TP53BP1: variants seen among roughly 807,000 people sequenced by gnomAD.
TP53BP1 encodes the protein tumor protein p53 binding protein 1, also known as TP53-binding protein 1.
A neutral mutation model predicts 200.8 loss-of-function variants in TP53BP1; 61 were observed. That is an observed-to-expected ratio of 0.30 (90% confidence interval 0.25 to 0.38). TP53BP1 has a LOEUF of 0.38. Among genes scored for constraint, TP53BP1 ranks in the 10% least tolerant of loss-of-function variants. The probability of loss-of-function intolerance (pLI) is 1.00; values close to 1 mark genes in which losing one functional copy is unlikely to be tolerated. For missense variants in TP53BP1, 2,144 were observed against 2,371.9 expected (o/e 0.90, Z 2.00); for synonymous variants, 822 against 844.3 (o/e 0.97, Z 0.46).
intron 4 of TP53BP1, among the ~76,000 whole-genome samples, chr15:43,484,847 C>G (rs2079023990): frequency 6.6e-6 from 1 of 151,990 alleles, no homozygotes; most frequent in South Asian, 2.1e-4. Context: ...ACCTCCCAGG[C>G]TCAAGCGATC....
Position 43,421,941 on chromosome 15 carries a change from T to C in TP53BP1, c.4014A>G (p.Gly1338=), listed in dbSNP as rs770702929. Residue 1338 remains glycine, a synonymous_variant, in exon 19 of 28, where the codon GGA becomes GGG. Transcript: ENST00000382044. ...TGGTTTTCCCTCTGAGTGGTCCGGCTCCTTTCCCTGAGCTTCCACTGCTGT... is the reference window on the plus strand; with the variant it reads ...TGGTTTTCCCTCTGAGTGGTCCGGCCCCTTTCCCTGAGCTTCCACTGCTGT... ...AMHSSGSSGK[G]AGPLRGKTSG... 2 of 1,614,182 alleles carry C rather than the reference T, an allele frequency of 1.2e-6. No homozygotes were observed. The highest frequency in any genetic ancestry group is 3.3e-5 in the Admixed American group (2 of 60,024).
chr15:43,475,800 A>C (rs771187873), intron 8 of TP53BP1, 106 bp from the exon 9 acceptor site: 8 of 1,371,280 alleles, frequency 5.8e-6, no homozygotes, highest in South Asian at 1.4e-5. Context: ...ACATATTTCC[A>C]TATTTCCAAA....
At chr15:43,436,451 CAT>C (rs1250151679) in intron 16 of TP53BP1, among the ~76,000 whole-genome samples, 2 of 151,278 alleles carry the variant, frequency 1.3e-5, no homozygotes, top group East Asian at 3.9e-4. Context: ...TCATATATTC[CAT>C]ATAAGATACT....
intron 18 of TP53BP1, among the ~76,000 whole-genome samples, chr15:43,422,869 C>G (rs1278515986): frequency 1.3e-5 from 2 of 151,640 alleles, no homozygotes; most frequent in African/African-American, 4.9e-5. Flanking sequence ...GGAGTGCACA[C>G]CTGTAGTCCC....
intron 5 of TP53BP1, 55 bp from the exon 6 acceptor site, chr15:43,480,072 C>T: frequency 4.6e-6 from 7 of 1,535,532 alleles, no homozygotes; most frequent in Non-Finnish European, 6.3e-6. Flanking sequence ...ATGCAATGTA[C>T]AAGCTGCTGT....
chr15:43,408,818 T>C (rs2045015053), intron 26 of TP53BP1, 79 bp downstream of exon 26: 1 of 1,416,056 alleles, frequency 7.1e-7, no homozygotes, highest in Non-Finnish European at 9.9e-7. Context: ...AAAGCTTTAC[T>C]CTCTCACCTA....
chr15:43,427,977 A>G, intron 18 of TP53BP1, 39 bp downstream of exon 18: 1 of 1,441,018 alleles, frequency 6.9e-7, no homozygotes, highest in Non-Finnish European at 9.3e-7. Flanking sequence ...AAAAAAAGAA[A>G]GAAAGAAATT....
chr15:43,469,143 T>C (rs2046660013), intron 11 of TP53BP1, among the ~76,000 whole-genome samples: 2 of 152,220 alleles, frequency 1.3e-5, no homozygotes, highest in Admixed American at 1.3e-4. Flanking sequence ...ATAATAGTCA[T>C]TTAGATTTAA....
chr15:43,419,596 G>T (rs372862942), intron 21 of TP53BP1, among the ~76,000 whole-genome samples: 2 of 130,022 alleles, frequency 1.5e-5, no homozygotes, highest in African/African-American at 3.1e-5. Context: ...TTTCAGCCTG[G>T]TCTCAAACTC....
At chr15:43,409,260 C>T in intron 25 of TP53BP1, 164 bp from the exon 26 acceptor site, 1 of 644,082 alleles carries the variant, frequency 1.6e-6, no homozygotes, top group South Asian at 1.9e-5. Flanking sequence ...CTGGAAGGCC[C>T]AAGTAATTTC....
chr15:43,409,333 A>G, intron 25 of TP53BP1: 1 of 585,844 alleles, frequency 1.7e-6, no homozygotes. Context: ...ACGGACAACC[A>G]AAACCTATGA....
intron 15 of TP53BP1, among the ~76,000 whole-genome samples, chr15:43,440,108 C>T (rs1311395505): frequency 2.0e-5 from 3 of 152,186 alleles, no homozygotes; most frequent in South Asian, 2.1e-4. Flanking sequence ...AGTCCACAGG[C>T]CTCTTTTATT....
At chr15:43,495,528 CACACAA>C (rs1440974525), upstream of TP53BP1, among the ~76,000 whole-genome samples, 7 of 148,490 alleles carry the variant, frequency 4.7e-5, no homozygotes, top group Non-Finnish European at 1.0e-4. Context: ...CACACACACA[CACACAA>C]AAGCCAGGTG....
At chr15:43,427,325 G>A (rs1282218490) in intron 18 of TP53BP1, among the ~76,000 whole-genome samples, 2 of 152,346 alleles carry the variant, frequency 1.3e-5, no homozygotes, top group Middle Eastern at 3.4e-3. Context: ...AGAACAGAAT[G>A]AGTAGACATG....
upstream of TP53BP1, among the ~76,000 whole-genome samples, chr15:43,495,054 T>C (rs914517506): frequency 4.0e-5 from 6 of 151,858 alleles, no homozygotes; most frequent in Admixed American, 2.0e-4. Context: ...TAGCTGGGTG[T>C]GGTGGCATGT....
Position 43,456,027 on chromosome 15 carries a change from G to C in TP53BP1, c.2581C>G (p.Gln861Glu). The stretch of plus-strand genomic sequence containing the variant: ...GTTAATGAATTACTTGTTTTCTCCT[G>C]AGTTTGGGGCTGCTGCAACTCCTGG... ...LDQELQQPQT[Q>E]EKTSNSLTED... is the part of the protein sequence containing the mutation. The change falls in exon 12 of 28, where the codon CAG (glutamine) becomes GAG (glutamate). Residue 861 changes from glutamine (Q) to glutamate (E), a missense_variant. Physicochemically the swap from Gln to Glu is conservative, Grantham distance 29. This residue lies in a region of TP53BP1 where 1,700 missense variants were observed against 1,710.3 expected (regional missense o/e 0.99). Transcript: ENST00000382044. 1 of 1,614,072 alleles carries C rather than the reference G, an allele frequency of 6.2e-7. No individual in the cohort carries two copies. The highest frequency in any genetic ancestry group is 1.3e-5 in the African/African-American group (1 of 75,024).
chr15:43,496,848 C>T (rs765034894), upstream of TP53BP1, among the ~76,000 whole-genome samples: 5 of 152,044 alleles, frequency 3.3e-5, no homozygotes, highest in Admixed American at 6.6e-5. Context: ...TCTCGAACTC[C>T]GGCCTCAGGT....
intron 7 of TP53BP1, 62 bp from the exon 8 acceptor site, chr15:43,477,821 C>A: frequency 7.6e-7 from 1 of 1,320,630 alleles, no homozygotes; most frequent in Non-Finnish European, 1.0e-6. Flanking sequence ...AAATAAAAAG[C>A]TTTTCCTGTT....
At chr15:43,452,973 T>C (rs1368784900) in intron 12 of TP53BP1, among the ~76,000 whole-genome samples, 2 of 151,908 alleles carry the variant, frequency 1.3e-5, no homozygotes, top group African/African-American at 4.8e-5. Context: ...GGCGGGCGGA[T>C]CACGAGGTCA....
Sources: gnomAD v4.1 joint callset for allele counts (sites outside exome capture counted in the v4.1 genomes callset) on GRCh38, gnomAD v4.1.1 for gene constraint, gnomAD v4.1.1 regional missense constraint, MANE v1.5 for transcripts, NCBI Gene and HGNC (gene_info 2026-07-23, HGNC 2026-07-21) for gene names.